The following CLEC16A variants were observed in gnomAD, a reference collection of about 807,000 sequenced individuals.
The protein encoded by CLEC16A is C-type lectin domain containing 16A.
Under a neutral mutation model 109.5 loss-of-function variants are expected in CLEC16A, and 51 were observed. That is an observed-to-expected ratio of 0.47 (90% CI 0.37 to 0.59). The LOEUF is 0.59. Ranked by LOEUF, CLEC16A falls within the 20% of genes least tolerant of loss-of-function variation. The pLI is 0.00. For synonymous variants in CLEC16A, 673 were observed against 564.2 expected (o/e 1.19, Z -2.73); for missense variants, 1,339 against 1,394.0 (o/e 0.96, Z 0.63).
At chr16:11,108,319 C>G (rs1004381400) in intron 19 of CLEC16A, among the ~76,000 whole-genome samples, 1 of 152,244 alleles carries the variant, frequency 6.6e-6, no homozygotes, top group Non-Finnish European at 1.5e-5. Context: ...GGAACTAGGT[C>G]TCCTGCTCGA....
intron 9 of CLEC16A, among the ~76,000 whole-genome samples, chr16:10,980,565 A>C (rs1401158727): frequency 6.6e-6 from 1 of 152,026 alleles, no homozygotes; most frequent in African/African-American, 2.4e-5. Context: ...ATGGCCGCCA[A>C]CTGCCCACAG....
intron 11 of CLEC16A, among the ~76,000 whole-genome samples, chr16:11,009,023 C>A (rs72770088): frequency 0.067 from 10,251 of 152,050 alleles, 454 homozygotes; most frequent in South Asian, 0.14. Context: ...AGTACATTCA[C>A]GTTGTATAAC....
At position 10,977,208 on chromosome 16, in the gene CLEC16A, G is replaced by A; in HGVS notation, c.729-17G>A. Reference sequence around the variant, plus strand: ...TAGTGTTGGCCTCCAGGCTGAGGTGGTCATTTCTCCTGGCAGGCATCGGAA... The same window carrying A: ...TAGTGTTGGCCTCCAGGCTGAGGTGATCATTTCTCCTGGCAGGCATCGGAA... On this transcript the variant is annotated splice_polypyrimidine_tract_variant and intron_variant, in intron 7 of 23. Transcript: ENST00000409790. 6.2e-7 allele frequency: 1 copy of A among 1,610,752 alleles called. No individual in the cohort carries two copies. The highest frequency in any genetic ancestry group is 8.5e-7 in the Non-Finnish European group (1 of 1,178,430).
At chr16:11,157,942 C>T (rs1247045403) in intron 22 of CLEC16A, among the ~76,000 whole-genome samples, 3 of 152,096 alleles carry the variant, frequency 2.0e-5, no homozygotes, top group Admixed American at 6.5e-5. Flanking sequence ...GTCAGAAGCA[C>T]GAACAAGAAG....
At chr16:11,106,038 G>T (rs1020118137) in intron 19 of CLEC16A, among the ~76,000 whole-genome samples, 1 of 152,172 alleles carries the variant, frequency 6.6e-6, no homozygotes, top group African/African-American at 2.4e-5. Flanking sequence ...ATAGGATCCT[G>T]TAGTCATCAC....
chr16:11,041,115 C>T (rs79959429), intron 14 of CLEC16A: 5,509 of 152,284 alleles, frequency 0.036, 149 homozygotes, highest in Non-Finnish European at 0.054. Flanking sequence ...ATGCCAGATG[C>T]GGGTTTTGGC....
chr16:11,069,024 G>T (rs2048915774), intron 19 of CLEC16A, among the ~76,000 whole-genome samples: 1 of 151,112 alleles, frequency 6.6e-6, no homozygotes, highest in East Asian at 1.9e-4. Context: ...GTAGACATGG[G>T]GTTACACCAT....
At chr16:11,053,184 C>A (rs992418975) in intron 18 of CLEC16A, among the ~76,000 whole-genome samples, 2 of 152,168 alleles carry the variant, frequency 1.3e-5, no homozygotes, top group African/African-American at 4.8e-5. Context: ...TACCACCACA[C>A]CCAGCCCACA....
chr16:11,102,328 A>C (rs1257561442), intron 19 of CLEC16A, among the ~76,000 whole-genome samples: 1 of 152,226 alleles, frequency 6.6e-6, no homozygotes, highest in African/African-American at 2.4e-5. Context: ...TTGAACACAA[A>C]AGATTAAAAA....
rs371166048 is a variant in CLEC16A, at chr16:11,170,897, G to T, written c.2806+4345G>T. 2.6e-5 allele frequency among the ~76,000 whole-genome samples: 4 copies of T among 152,210 alleles called. No homozygotes were observed. The East Asian group carries it at 5.8e-4, about 22-fold the overall frequency. Reference sequence around the variant, plus strand: ...GTTCTGACAGCCGATGCAGAACAGTGCGGGAGGCTCCCAGAGGTGGCATCG... The same window carrying T: ...GTTCTGACAGCCGATGCAGAACAGTTCGGGAGGCTCCCAGAGGTGGCATCG... On this transcript the variant is annotated intron_variant, in intron 23 of 23. Coordinates refer to ENST00000409790, the MANE Select transcript of CLEC16A (RefSeq NM_015226.3).
intron 1 of CLEC16A, among the ~76,000 whole-genome samples, chr16:10,951,985 G>A (rs8057540): frequency 0.22 from 33,278 of 152,020 alleles, 4,431 homozygotes; most frequent in African/African-American, 0.38. Flanking sequence ...AAGTGCTTTT[G>A]TTTTAGCTGA....
At chr16:11,153,851 A>T (rs2054394585) in intron 22 of CLEC16A, among the ~76,000 whole-genome samples, 1 of 152,206 alleles carries the variant, frequency 6.6e-6, no homozygotes, top group Admixed American at 6.5e-5. Flanking sequence ...TGTTGGACAC[A>T]TTAGCTCAGC....
chr16:10,965,733 A>G (rs2042469770), intron 3 of CLEC16A, among the ~76,000 whole-genome samples: 1 of 152,246 alleles, frequency 6.6e-6, no homozygotes, highest in African/African-American at 2.4e-5. Flanking sequence ...GATACCACAG[A>G]AAGTCAGCCA....
At chr16:11,171,325 T>A (rs1275570457) in intron 23 of CLEC16A, among the ~76,000 whole-genome samples, 1 of 152,198 alleles carries the variant, frequency 6.6e-6, no homozygotes. Context: ...GAGGCAGAGC[T>A]ATGGGTGCCC....
rs2046500575 is a variant in CLEC16A, at chr16:11,027,796, T to A, written c.1537+2875T>A. ...GTGCCAAACTGCAGTATATTTTTGATCAATGAAGTGGAAGCATGTGTTTTG... is the reference window on the plus strand; with the variant it reads ...GTGCCAAACTGCAGTATATTTTTGAACAATGAAGTGGAAGCATGTGTTTTG... On this transcript the variant is annotated intron_variant, in intron 13 of 23. Coordinates refer to ENST00000409790, the MANE Select transcript of CLEC16A (RefSeq NM_015226.3). The A allele has an allele frequency of 8.9e-6, 8 of 901,688 alleles. No individual in the cohort carries two copies. The Admixed American group carries it at 1.4e-4, about 16-fold the overall frequency. The allele number at this position is 901,688 out of a possible 1,614,324, so 55.9% of individuals were successfully genotyped here.
At chr16:11,001,708 C>A (rs577084523) in intron 10 of CLEC16A, among the ~76,000 whole-genome samples, 8 of 152,292 alleles carry the variant, frequency 5.3e-5, no homozygotes, top group African/African-American at 1.9e-4. Context: ...GTGGCACGAT[C>A]TCGCTCACTG....
At chr16:11,153,431 T>A (rs1034697311) in intron 22 of CLEC16A, among the ~76,000 whole-genome samples, 1 of 152,026 alleles carries the variant, frequency 6.6e-6, no homozygotes, top group East Asian at 1.9e-4. Context: ...TTGTCTTAAT[T>A]TTCCCAGATT....
chr16:11,169,565 G>A (rs750367210), intron 23 of CLEC16A, among the ~76,000 whole-genome samples: 1 of 152,200 alleles, frequency 6.6e-6, no homozygotes, highest in Admixed American at 6.5e-5. Context: ...GGCATTACAG[G>A]CATGAGCCAT....
chr16:11,116,918 C>T (rs995124291), intron 19 of CLEC16A, among the ~76,000 whole-genome samples: 1 of 152,180 alleles, frequency 6.6e-6, no homozygotes, highest in South Asian at 2.1e-4. Flanking sequence ...ATAGTAGACT[C>T]ATGGAGTCAA....
Sources: allele counts gnomAD v4.1 joint callset (sites outside exome capture counted in the v4.1 genomes callset), GRCh38; gene constraint gnomAD v4.1.1; transcripts MANE v1.5; gene names NCBI Gene and HGNC (gene_info 2026-07-23, HGNC 2026-07-21).